The following PTPRD variants were observed in gnomAD, a reference collection of about 807,000 sequenced individuals.
PTPRD encodes the protein protein tyrosine phosphatase receptor type D.
PTPRD carries 34 observed loss-of-function variants against 214.5 expected under a neutral mutation model. The ratio of observed to expected loss-of-function variants is 0.16; its 90% CI spans 0.12 to 0.21. The LOEUF (loss-of-function observed/expected upper bound fraction) is 0.21. PTPRD is among the 10% of genes least tolerant of loss of function. The pLI is 1.00. For synonymous variants in PTPRD, 1,128 were observed against 845.7 expected, an observed-to-expected ratio of 1.33 and a Z score of -5.79; for missense variants, 2,545 against 2,398.7, an observed-to-expected ratio of 1.06 and a Z score of -1.27.
intron 2 of PTPRD, among the ~76,000 whole-genome samples, chr9:10,377,431 C>T (rs1225897119): frequency 6.6e-6 from 1 of 151,762 alleles, no homozygotes; most frequent in African/African-American, 2.4e-5. Flanking sequence ...CTAATGCTAT[C>T]CCTCCCCTCT....
chr9:8,861,582 G>C (rs771793989), intron 11 of PTPRD: 2 of 152,116 alleles, frequency 1.3e-5, no homozygotes, highest in African/African-American at 2.4e-5. Flanking sequence ...GACGAGAGAG[G>C]ATAAGTAATT....
At chr9:10,077,165 G>A (rs957617686) in intron 3 of PTPRD, among the ~76,000 whole-genome samples, 2 of 152,062 alleles carry the variant, frequency 1.3e-5, no homozygotes, top group Admixed American at 1.3e-4. Flanking sequence ...ACAATTATGT[G>A]AATGAATTAT....
At chr9:8,649,489 A>G (rs1051463066) in intron 12 of PTPRD, among the ~76,000 whole-genome samples, 1 of 152,230 alleles carries the variant, frequency 6.6e-6, no homozygotes. Context: ...TATATCCCCA[A>G]AGTAGCTATA....
intron 7 of PTPRD, among the ~76,000 whole-genome samples, chr9:9,701,188 A>G (rs897023290): frequency 1.3e-5 from 2 of 152,176 alleles, no homozygotes; most frequent in Non-Finnish European, 2.9e-5. Context: ...AGTGTTGCCT[A>G]AATATACAAG....
chr9:9,381,534 T>A (rs1277474353), intron 9 of PTPRD, among the ~76,000 whole-genome samples: 1 of 151,924 alleles, frequency 6.6e-6, no homozygotes, highest in African/African-American at 2.4e-5. Flanking sequence ...CTAATTTTTG[T>A]ATTTTTGTAG....
At chr9:9,008,249 G>A (rs1385357934) in intron 11 of PTPRD, among the ~76,000 whole-genome samples, 1 of 24,824 alleles carries the variant, frequency 4.0e-5, no homozygotes, top group Non-Finnish European at 1.1e-4. Context: ...TTATTTTTGA[G>A]ACAGAGTCTC....
At chr9:8,445,005 G>T (rs1267060964) in intron 34 of PTPRD, among the ~76,000 whole-genome samples, 2 of 152,034 alleles carry the variant, frequency 1.3e-5, no homozygotes, top group African/African-American at 4.8e-5. Flanking sequence ...TTCTTCCATA[G>T]ATCTTAAAGA....
At chr9:9,360,859 G>A (rs755649099) in intron 9 of PTPRD, among the ~76,000 whole-genome samples, 4 of 151,010 alleles carry the variant, frequency 2.6e-5, no homozygotes, top group African/African-American at 7.3e-5. Context: ...CTGTTATTCA[G>A]AAATATCTTT....
At chr9:9,688,238 C>A (rs111439592) in intron 7 of PTPRD, among the ~76,000 whole-genome samples, 1 of 151,718 alleles carries the variant, frequency 6.6e-6, no homozygotes, top group African/African-American at 2.4e-5. Flanking sequence ...TATAAGCTGG[C>A]CTTTTAAAAC....
At chr9:8,805,436 T>C (rs1213362812) in intron 11 of PTPRD, among the ~76,000 whole-genome samples, 2 of 152,074 alleles carry the variant, frequency 1.3e-5, no homozygotes, top group East Asian at 1.9e-4. Context: ...ATCATCTTTA[T>C]ACAATAATCG....
chr9:8,789,161 T>C (rs1050178075), intron 11 of PTPRD, among the ~76,000 whole-genome samples: 1 of 152,154 alleles, frequency 6.6e-6, no homozygotes, highest in East Asian at 1.9e-4. Flanking sequence ...AATTAGAGTA[T>C]GAGTAAAGGC....
intron 11 of PTPRD, among the ~76,000 whole-genome samples, chr9:8,766,793 T>C (rs2094787685): frequency 6.6e-6 from 1 of 152,218 alleles, no homozygotes; most frequent in African/African-American, 2.4e-5. Flanking sequence ...TCACATTAAT[T>C]TCAATGTTTA....
intron 3 of PTPRD, among the ~76,000 whole-genome samples, chr9:10,326,011 A>T (rs2096636629): frequency 6.6e-6 from 1 of 151,846 alleles, no homozygotes; most frequent in Non-Finnish European, 1.5e-5. Flanking sequence ...GTATCTAAAA[A>T]GATATGTTTG....
intron 2 of PTPRD, among the ~76,000 whole-genome samples, chr9:10,420,558 G>C (rs1015038732): frequency 2.0e-5 from 3 of 151,708 alleles, no homozygotes; most frequent in African/African-American, 4.8e-5. Context: ...CAAACGACGG[G>C]GGGGCTGAAG....
chr9:9,902,179 A>C (rs1054653093), intron 5 of PTPRD, among the ~76,000 whole-genome samples: 3 of 152,002 alleles, frequency 2.0e-5, no homozygotes, highest in African/African-American at 7.3e-5. Flanking sequence ...TTATAATTCT[A>C]AGCTTGTGTG....
intron 4 of PTPRD, among the ~76,000 whole-genome samples, chr9:9,950,997 C>G (rs576155633): frequency 2.4e-4 from 37 of 152,182 alleles, no homozygotes; most frequent in African/African-American, 8.4e-4. Context: ...GGATTACTCA[C>G]TGGTATGAAA....
intron 10 of PTPRD, among the ~76,000 whole-genome samples, chr9:9,034,306 A>G (rs567417621): frequency 1.5e-4 from 23 of 152,254 alleles, no homozygotes; most frequent in Admixed American, 4.6e-4. Context: ...TCATGCCACA[A>G]GTAACCACTT....
intron 2 of PTPRD, among the ~76,000 whole-genome samples, chr9:10,488,972 A>G (rs368785699): frequency 2.0e-5 from 3 of 152,066 alleles, no homozygotes. Flanking sequence ...GCTGGTACCT[A>G]ATGTGCAAGA....
chr9:9,989,016 C>CAAAAAAAAA (rs397836899), intron 4 of PTPRD, among the ~76,000 whole-genome samples: 438 of 36,264 alleles, frequency 0.012, 89 homozygotes, highest in African/African-American at 0.032. Context: ...TTTCACTGAC[C>CAAAAAAAAA]AAAAAAAAAA....
Sources: gnomAD v4.1 joint callset for allele counts (sites outside exome capture counted in the v4.1 genomes callset) on GRCh38, gnomAD v4.1.1 for gene constraint, MANE v1.5 for transcripts, NCBI Gene and HGNC (gene_info 2026-07-23, HGNC 2026-07-21) for gene names.